The following PSG4 variants were observed in gnomAD, a reference collection of about 807,000 sequenced individuals.
PSG4 encodes the protein pregnancy specific beta-1-glycoprotein 4.
Under a neutral mutation model 44.3 loss-of-function variants are expected in PSG4, and 61 were observed. The ratio of observed to expected loss-of-function variants is 1.38; its 90% CI spans 1.12 to 1.70. The LOEUF (loss-of-function observed/expected upper bound fraction) is 1.70. Ranked by LOEUF, PSG4 falls within the 40% of genes most tolerant of loss-of-function variation. The pLI, the probability that PSG4 is intolerant of heterozygous loss-of-function variation, is 0.00. For synonymous variants in PSG4, 248 were observed against 191.3 expected (o/e 1.30, Z -2.45); for missense variants, 677 against 511.7 (o/e 1.32, Z -3.12).
At chr19:43,194,144 T>G in intron 5 of PSG4, 196 bp downstream of exon 5, 2 of 1,466,336 alleles carry the variant, frequency 1.4e-6, no homozygotes, top group South Asian at 1.4e-5. Flanking sequence ...GGCTGGGAAT[T>G]TTAAGAAGAT....
At chr19:43,199,422 A>C (rs1482278620) in intron 2 of PSG4, among the ~76,000 whole-genome samples, 1 of 145,746 alleles carries the variant, frequency 6.9e-6, no homozygotes, top group East Asian at 2.3e-4. Flanking sequence ...GTTCATACAG[A>C]TAAAGTGCTC....
chr19:43,198,225 C>T lies in PSG4; in HGVS notation c.481G>A (p.Ala161Thr), dbSNP rs1343619798. The T allele has an allele frequency of 6.9e-6, 11 of 1,587,224 alleles. 1 individual carries two copies. In the African/African-American group the frequency reaches 1.0e-4, roughly 15 times the overall value. ...CAGGTTAAGATCACAGCCTCCATGG[C>T]CTCCCTGGGATTTAAGTTGCTGCTG... ...ISSSNLNPREAMEAVILTCDP... is the reference protein window; with the variant it reads ...ISSSNLNPRETMEAVILTCDP... The change falls in exon 3 of 6, where the codon GCC becomes ACC. Residue 161 changes from alanine (A) to threonine (T), a missense_variant. Transcript: ENST00000405312.
At chr19:43,204,333 T>C (rs1967661580) in intron 1 of PSG4, 82 bp from the exon 2 acceptor site, 4 of 1,414,674 alleles carry the variant, frequency 2.8e-6, no homozygotes, top group Non-Finnish European at 2.8e-6. Flanking sequence ...GTCTCTTCAA[T>C]CCTCAGCCTT....
rs770631123 is a variant in PSG4, at chr19:43,198,216, C to T, written c.490G>A (p.Ala164Thr). 8.2e-6 allele frequency: 13 copies of T among 1,587,266 alleles called. No homozygotes were observed. Among genetic ancestry groups the T allele is most frequent in the African/African-American group, 4.3e-5 (3 of 69,418 alleles). Residue 164 changes from alanine (A) to threonine (T), a missense_variant, in exon 3 of 6, where the codon GCT becomes ACT. Physicochemically the swap from Ala to Thr is moderately conservative, Grantham distance 58 (BLOSUM62 0). Transcript: ENST00000405312. ...SNLNPREAME[A>T]VILTCDPATP... ...GCAGGATCACAGGTTAAGATCACAG[C>T]CTCCATGGCCTCCCTGGGATTTAAG...
At chr19:43,204,312 G>C in intron 1 of PSG4, 61 bp from the exon 2 acceptor site, 3 of 1,470,208 alleles carry the variant, frequency 2.0e-6, no homozygotes, top group Non-Finnish European at 2.7e-6. Flanking sequence ...GAAAAGATGG[G>C]TCCTGAGAAG....
At position 43,198,262 on chromosome 19, in the gene PSG4, C is replaced by T; in HGVS notation, c.444G>A (p.Lys148=). The part of the protein sequence containing the change: ...FTFTLHLETP[K]PSISSSNLNP... The stretch of plus-strand genomic sequence containing the variant: ...TTAAGTTGCTGCTGGAGATGGAGGG[C>T]TTGGGAGTCTCCACTGTGCAGAAAA... Residue 148 remains lysine, a synonymous_variant, in exon 3 of 6, where the codon AAG becomes AAA. Transcript: ENST00000405312. 1 of 1,586,468 alleles carries T rather than the reference C, an allele frequency of 6.3e-7. No homozygotes were observed. The highest frequency in any genetic ancestry group is 8.5e-7 in the Non-Finnish European group (1 of 1,171,414).
At chr19:43,193,579 C>G (rs1967099518) in intron 5 of PSG4, 191 bp from the exon 6 acceptor site, 1 of 615,038 alleles carries the variant, frequency 1.6e-6, no homozygotes. Flanking sequence ...TGATTCTTTA[C>G]ATAAGTGCAG....
At position 43,194,605 on chromosome 19, in the gene PSG4, G is replaced by A. The variant is rs769771740; in HGVS notation, c.989-11C>T. Reference sequence around the variant, plus strand: ...GGAGGTCTGGACCATCTGGCGCAAAGAGAATAAAGCCATAGGTGATGTCAT... The same window carrying A: ...GGAGGTCTGGACCATCTGGCGCAAAAAGAATAAAGCCATAGGTGATGTCAT... On this transcript the variant is annotated splice_polypyrimidine_tract_variant and intron_variant, in intron 4 of 5. Coordinates refer to ENST00000405312, the MANE Select transcript of PSG4 (RefSeq NM_002780.5). 2 of 1,606,014 alleles carry A rather than the reference G, an allele frequency of 1.2e-6. No homozygotes were observed. The highest frequency in any genetic ancestry group is 2.2e-5 in the East Asian group (1 of 44,844).
At position 43,194,565 on chromosome 19, in the gene PSG4, A is replaced by T; in HGVS notation, c.1018T>A (p.Ser340Thr). 5 of 1,612,212 alleles carry T rather than the reference A, an allele frequency of 3.1e-6. No homozygotes were observed. The highest frequency in any genetic ancestry group is 4.2e-6 in the Non-Finnish European group (5 of 1,178,988). The change falls in exon 5 of 6, where the codon TCA becomes ACA. Residue 340 changes from serine (S) to threonine (T), a missense_variant. Ser to Thr is a moderately conservative substitution (Grantham distance 58). Coordinates refer to ENST00000405312, the MANE Select transcript of PSG4 (RefSeq NM_002780.5). Reference protein sequence around the residue: ...YGPDLPSIYPSFTYYRSGENL... With the variant: ...YGPDLPSIYPTFTYYRSGENL... ...TCTCCTGAACGGTAATAGGTGAATG[A>T]AGGGTAAATGCTGGGGAGGTCTGGA...
chr19:43,198,753 T>C (rs1967372490), intron 2 of PSG4: 1 of 160,802 alleles, frequency 6.2e-6, no homozygotes, highest in Non-Finnish European at 1.3e-5. Flanking sequence ...CTTTGGGTAC[T>C]GGAAAGCCTG....
intron 3 of PSG4, 160 bp downstream of exon 3, chr19:43,197,837 G>A (rs1355194599): frequency 7.0e-7 from 1 of 1,427,820 alleles, no homozygotes; most frequent in Non-Finnish European, 9.4e-7. Context: ...ATCAAGCCTA[G>A]GCCTACTCTG....
chr19:43,197,910 G>A, intron 3 of PSG4, 87 bp downstream of exon 3: 2 of 1,573,958 alleles, frequency 1.3e-6, no homozygotes, highest in Non-Finnish European at 1.7e-6. Flanking sequence ...CTCTGTACTT[G>A]GACCTGAGAG....
intron 3 of PSG4, chr19:43,196,308 C>T (rs954102268): frequency 3.3e-5 from 5 of 151,626 alleles, no homozygotes; most frequent in Middle Eastern, 6.8e-3. Flanking sequence ...CTGCTGTTTG[C>T]CAGGAGCTGG....
intron 4 of PSG4, 169 bp from the exon 5 acceptor site, chr19:43,194,763 C>G: frequency 7.0e-7 from 1 of 1,419,834 alleles, no homozygotes; most frequent in Non-Finnish European, 9.4e-7. Context: ...CTGTTTCTCC[C>G]ATCACAAGTT....
In PSG4 at chr19:43,203,798, G is replaced by A; in HGVS notation, c.430+88C>T. On this transcript the variant is annotated intron_variant, in intron 2 of 5. Coordinates refer to ENST00000405312, the MANE Select transcript of PSG4 (RefSeq NM_002780.5). ...GGGACTTAATGCAGAGAGGGACACA[G>A]GCAGAGTCCAGGCCTGAGAATCCTG... 1.3e-6 allele frequency: 2 copies of A among 1,542,798 alleles called. 1 individual carries two copies. The highest frequency in any genetic ancestry group is 5.5e-5 in the East Asian group (2 of 36,380).
At position 43,204,236 on chromosome 19, in the gene PSG4, A is replaced by G. The variant is rs1233097244; in HGVS notation, c.80T>C (p.Phe27Ser). Residue 27 changes from phenylalanine to serine, a missense_variant, in exon 2 of 6, where the codon TTC (phenylalanine) becomes TCC (serine). Phe to Ser is a radical substitution (Grantham distance 155, BLOSUM62 -2). Coordinates refer to ENST00000405312, the MANE Select transcript of PSG4 (RefSeq NM_002780.5). ...TTGGGCAGTTGTGGGCGGATTCCAG[A>G]AGTTTAAAAGTGATGCTAGGAGGTA... ...GVLLTASLLN[F>S]WNPPTTAQVT... The G allele has an allele frequency of 6.3e-7, 1 of 1,576,688 alleles. No individual in the cohort carries two copies. Among genetic ancestry groups the G allele is most frequent in the Non-Finnish European group, 8.6e-7 (1 of 1,165,988 alleles).
rs540418736 is a variant in PSG4, at chr19:43,199,207, C to T, written c.431-932G>A. On this transcript the variant is annotated intron_variant, in intron 2 of 5. Transcript: ENST00000405312. ...TGGGAAGAAGTCTTGCAGATACTTT[C>T]TCTCATTAGACATTCTACTCTCTGA... 1.1e-3 allele frequency among the ~76,000 whole-genome samples: 156 copies of T among 145,840 alleles called. 13 individuals are homozygous for T. Among genetic ancestry groups the T allele is most frequent in the Non-Finnish European group, 1.8e-3 (118 of 67,208 alleles).
At chr19:43,202,303 C>T (rs1053000630) in intron 2 of PSG4, among the ~76,000 whole-genome samples, 1 of 143,792 alleles carries the variant, frequency 7.0e-6, no homozygotes, top group Non-Finnish European at 1.5e-5. Context: ...TGCCCCAGTT[C>T]CACAGTCCAG....
chr19:43,205,266 C>A (rs1384602981), intron 1 of PSG4, among the ~76,000 whole-genome samples: 3 of 143,108 alleles, frequency 2.1e-5, no homozygotes, highest in Non-Finnish European at 4.5e-5. Context: ...CACCACTATA[C>A]CTGGTTAATT....
Sources: gnomAD v4.1 joint callset for allele counts (sites outside exome capture counted in the v4.1 genomes callset) on GRCh38, gnomAD v4.1.1 for gene constraint, MANE v1.5 for transcripts, NCBI Gene and HGNC (gene_info 2026-07-23, HGNC 2026-07-21) for gene names.